The following TNS3 variants were observed in gnomAD, a reference collection of about 807,000 sequenced individuals.
TNS3 encodes tensin-3.
TNS3 carries 45 observed loss-of-function variants against 140.9 expected under a neutral mutation model. The ratio of observed to expected loss-of-function variants is 0.32; its 90% CI spans 0.25 to 0.41. TNS3 has a LOEUF of 0.41. TNS3 is among the 10% of genes least tolerant of loss of function. TNS3 has a pLI of 1.00. For missense variants in TNS3, 1,716 were observed against 1,906.7 expected (o/e 0.90, Z 1.86); for synonymous variants, 815 against 788.4 (o/e 1.03, Z -0.56).
chr7:47,512,260 G>C (rs1171979075), intron 2 of TNS3, among the ~76,000 whole-genome samples: 1 of 152,150 alleles, frequency 6.6e-6, no homozygotes, highest in African/African-American at 2.4e-5. Flanking sequence ...CATCTACCAT[G>C]AGCTACACAC....
Position 47,346,171 on chromosome 7 carries a change from T to C in TNS3, c.2451+16A>G, listed in dbSNP as rs765188135. Reference sequence around the variant, plus strand: ...TGGAATGGGCCCAGAAACTGGGACCTGGCTGTGGCACATACCTCTTTGACG... The same window carrying C: ...TGGAATGGGCCCAGAAACTGGGACCCGGCTGTGGCACATACCTCTTTGACG... On this transcript the variant is annotated intron_variant, in intron 18 of 30. Transcript: ENST00000311160. The C allele has an allele frequency of 1.2e-6, 2 of 1,610,862 alleles. No individual in the cohort carries two copies. Among genetic ancestry groups the C allele is most frequent in the African/African-American group, 2.7e-5 (2 of 74,874 alleles).
At chr7:47,527,839 C>T (rs1799254163) in intron 2 of TNS3, among the ~76,000 whole-genome samples, 1 of 150,702 alleles carries the variant, frequency 6.6e-6, no homozygotes, top group South Asian at 2.1e-4. Context: ...GCCAGGAGGT[C>T]AAGGCTGCAG....
intron 4 of TNS3, chr7:47,453,262 G>A: frequency 1.0e-6 from 1 of 985,478 alleles, no homozygotes; most frequent in Non-Finnish European, 1.2e-6. Flanking sequence ...GGGCCTGAGG[G>A]ACAGGAACAA....
chr7:47,370,308 T>C (rs1394821361), intron 16 of TNS3, among the ~76,000 whole-genome samples: 1 of 152,042 alleles, frequency 6.6e-6, no homozygotes, highest in Non-Finnish European at 1.5e-5. Context: ...AAAAACTGAA[T>C]GTCTGCTCAA....
rs1180064202 is a variant in TNS3, at chr7:47,277,608, C to A, written c.*468G>T. 2 of 233,188 alleles carry A rather than the reference C, an allele frequency of 8.6e-6. No homozygotes were observed. The highest frequency in any genetic ancestry group is 2.3e-5 in the African/African-American group (1 of 43,410). The allele number at this position is 233,188 out of a possible 1,614,324, so 14.4% of individuals were successfully genotyped here. On this transcript the variant is annotated 3_prime_UTR_variant, in exon 31 of 31. Coordinates refer to ENST00000311160, the MANE Select transcript of TNS3 (RefSeq NM_022748.12). ...GTTAGCATCTCCATCTTGGGAAGAC[C>A]GAGGTGAGGGAAACCCCCGGCCTCG...
At chr7:47,315,084 G>A (rs1448277274) in intron 20 of TNS3, among the ~76,000 whole-genome samples, 1 of 152,246 alleles carries the variant, frequency 6.6e-6, no homozygotes, top group Non-Finnish European at 1.5e-5. Flanking sequence ...CCGTGTGCAC[G>A]CCAGCACAGC....
intron 3 of TNS3, among the ~76,000 whole-genome samples, chr7:47,497,662 A>AACACACACACACACACACAC (rs6150097): frequency 2.2e-5 from 2 of 91,142 alleles, no homozygotes; most frequent in African/African-American, 3.5e-5. Flanking sequence ...TCACGTATGG[A>AACACACACACACACACACAC]ACACACACAC....
chr7:47,376,277 G>T (rs1338852850), intron 16 of TNS3, among the ~76,000 whole-genome samples: 1 of 152,234 alleles, frequency 6.6e-6, no homozygotes, highest in Non-Finnish European at 1.5e-5. Context: ...CAGAGGCAAG[G>T]GAAAGACGGA....
chr7:47,439,365 G>T, intron 6 of TNS3, 122 bp downstream of exon 6: 1 of 1,115,654 alleles, frequency 9.0e-7, no homozygotes, highest in Non-Finnish European at 1.3e-6. Context: ...ACGGACAGCT[G>T]TGTGAGCCCA....
chr7:47,294,868 G>GGAC (rs1255442144), intron 24 of TNS3, among the ~76,000 whole-genome samples: 38 of 152,300 alleles, frequency 2.5e-4, no homozygotes, highest in Non-Finnish European at 2.9e-5. Flanking sequence ...AAACTGAAGG[G>GGAC]GACACCAAGC....
At position 47,512,351 on chromosome 7, in the gene TNS3, C is replaced by T. The variant is rs184977181; in HGVS notation, c.-152-5407G>A. ...CCAGCCCCTCTCCAAGGATCCGTGC[C>T]AGTCATGTCCCCTCTGGCACACATT... On this transcript the variant is annotated intron_variant, in intron 2 of 30. Transcript: ENST00000311160. Among the ~76,000 whole-genome samples the T allele has an allele frequency of 1.2e-4, 19 of 152,330 alleles. No homozygotes were observed. In the East Asian group the frequency reaches 3.5e-3, roughly 28 times the overall value.
intron 4 of TNS3, among the ~76,000 whole-genome samples, chr7:47,449,606 T>C (rs927956063): frequency 1.3e-5 from 2 of 152,124 alleles, no homozygotes; most frequent in Admixed American, 1.3e-4. Flanking sequence ...CCTTTTTGTT[T>C]TGTTTTTGTT....
intron 1 of TNS3, among the ~76,000 whole-genome samples, chr7:47,542,210 C>T (rs1799807512): frequency 6.6e-6 from 1 of 152,148 alleles, no homozygotes; most frequent in Non-Finnish European, 1.5e-5. Flanking sequence ...CTTCAGTCTC[C>T]ACCTAATCAA....
chr7:47,369,648 C>T (rs1333462950), intron 16 of TNS3, 27 bp from the exon 17 acceptor site: 26 of 1,527,972 alleles, frequency 1.7e-5, no homozygotes, highest in Non-Finnish European at 2.2e-5. Flanking sequence ...CGGAGAGAGG[C>T]TTTCAGTCAG....
chr7:47,334,485 G>A (rs766030210), intron 20 of TNS3, among the ~76,000 whole-genome samples: 1 of 152,004 alleles, frequency 6.6e-6, no homozygotes, highest in African/African-American at 2.4e-5. Flanking sequence ...TCATGACTCC[G>A]TAAATCTACT....
At chr7:47,465,532 T>G (rs1796672970) in intron 4 of TNS3, among the ~76,000 whole-genome samples, 1 of 152,092 alleles carries the variant, frequency 6.6e-6, no homozygotes, top group Non-Finnish European at 1.5e-5. Flanking sequence ...TGTCCCCAAA[T>G]CAACTGCATC....
At chr7:47,323,956 C>T (rs1214897540) in intron 20 of TNS3, among the ~76,000 whole-genome samples, 1 of 152,172 alleles carries the variant, frequency 6.6e-6, no homozygotes, top group Non-Finnish European at 1.5e-5. Context: ...CGTATGCACC[C>T]GGATTTTCTA....
At chr7:47,394,369 A>G (rs779163254) in intron 16 of TNS3, among the ~76,000 whole-genome samples, 1 of 152,182 alleles carries the variant, frequency 6.6e-6, no homozygotes, top group African/African-American at 2.4e-5. Context: ...CCACGTGGAG[A>G]CACAAGAAGG....
At chr7:47,529,171 G>A (rs186273006) in intron 1 of TNS3, 24 bp from the exon 2 acceptor site, 6 of 1,172,668 alleles carry the variant, frequency 5.1e-6, no homozygotes, top group Non-Finnish European at 5.6e-6. Context: ...GGAAGAAATT[G>A]TCAACGTTTC....
Sources: gnomAD v4.1 joint callset for allele counts (sites outside exome capture counted in the v4.1 genomes callset) on GRCh38, gnomAD v4.1.1 for gene constraint, MANE v1.5 for transcripts, NCBI Gene and HGNC (gene_info 2026-07-23, HGNC 2026-07-21) for gene names.